The following NDUFA9 variants were observed in gnomAD, a reference collection of about 807,000 sequenced individuals.
NDUFA9 encodes NADH:ubiquinone oxidoreductase subunit A9, also known as NADH dehydrogenase [ubiquinone] 1 alpha subcomplex subunit 9, mitochondrial.
NDUFA9 carries 23 observed loss-of-function variants against 45.9 expected under a neutral mutation model. The ratio of observed to expected loss-of-function variants is 0.50; its 90% CI spans 0.36 to 0.71. The LOEUF (loss-of-function observed/expected upper bound fraction) is 0.71. NDUFA9 is among the 30% of genes least tolerant of loss of function. The pLI is 0.00. For synonymous variants in NDUFA9, 176 were observed against 170.5 expected (o/e 1.03, Z -0.25); for missense variants, 466 against 488.2 (o/e 0.95, Z 0.43).
At chr12:4,667,464 T>C (rs1303598042) in intron 6 of NDUFA9, 1 of 171,332 alleles carries the variant, frequency 5.8e-6, no homozygotes, top group Admixed American at 6.5e-5. Context: ...ATAAAGTTTA[T>C]TTTTAAGTAT....
chr12:4,686,962 C>T lies in NDUFA9; in HGVS notation c.988C>T (p.Pro330Ser). 6.2e-7 allele frequency: 1 copy of T among 1,614,066 alleles called. No homozygotes were observed. The highest frequency in any genetic ancestry group is 1.1e-5 in the South Asian group (1 of 91,028). Reference sequence around the variant, plus strand: ...GATGCACATCACAGACATGAAATTGCCTCACCTGCCTGGCTTAGAAGACCT... The same window carrying T: ...GATGCACATCACAGACATGAAATTGTCTCACCTGCCTGGCTTAGAAGACCT... ...ERMHITDMKL[P>S]HLPGLEDLGI... is the part of the protein sequence containing the mutation. The change falls in exon 11 of 11, where the codon CCT becomes TCT. Residue 330 changes from proline to serine, a missense_variant. Physicochemically the swap from Pro to Ser is moderately conservative, Grantham distance 74. Transcript: ENST00000266544.
At position 4,689,706 on chromosome 12, in the gene NDUFA9, A is replaced by G. The variant is rs1946008496; in HGVS notation, c.*2598A>G. Reference sequence around the variant, plus strand: ...GTCTCCCATGTCTACTTCTTTCTACACAGACACAGCAACAATGTGATTTCT... The same window carrying G: ...GTCTCCCATGTCTACTTCTTTCTACGCAGACACAGCAACAATGTGATTTCT... On this transcript the variant is annotated 3_prime_UTR_variant, in exon 11 of 11. Transcript: ENST00000266544. The G allele has an allele frequency of 5.6e-6, 1 of 179,204 alleles. No homozygotes were observed. The highest frequency in any genetic ancestry group is 1.1e-5 in the Non-Finnish European group (1 of 88,122). 11.1% of individuals were successfully genotyped at this position (179,204 alleles called of 1,614,324 possible).
chr12:4,685,467 G>T, intron 10 of NDUFA9, 142 bp downstream of exon 10: 1 of 715,390 alleles, frequency 1.4e-6, no homozygotes, highest in Non-Finnish European at 2.3e-6. Flanking sequence ...TAGCGCTGAA[G>T]CTCATCCACC....
At chr12:4,667,518 T>G (rs776037717) in intron 6 of NDUFA9, 2 of 242,506 alleles carry the variant, frequency 8.2e-6, no homozygotes, top group South Asian at 3.6e-5. Flanking sequence ...TACTCTTTTT[T>G]TTTTTTTTTT....
At chr12:4,652,313 A>G (rs919438777) in intron 1 of NDUFA9, among the ~76,000 whole-genome samples, 2 of 152,112 alleles carry the variant, frequency 1.3e-5, no homozygotes, top group Admixed American at 1.3e-4. Context: ...ATAAATGTTA[A>G]CTCATATTTA....
intron 3 of NDUFA9, 170 bp from the exon 4 acceptor site, chr12:4,657,578 G>A: frequency 1.7e-6 from 1 of 587,770 alleles, no homozygotes; most frequent in South Asian, 2.0e-5. Context: ...GAATCAGCAG[G>A]GAGTCTGAGA....
At chr12:4,666,161 A>T (rs1945852116) in intron 6 of NDUFA9, among the ~76,000 whole-genome samples, 1 of 152,142 alleles carries the variant, frequency 6.6e-6, no homozygotes, top group Non-Finnish European at 1.5e-5. Context: ...GCATCTTTTC[A>T]TGTGCTTTTT....
At chr12:4,650,123 T>C (rs1192801196) in intron 1 of NDUFA9, among the ~76,000 whole-genome samples, 1 of 152,202 alleles carries the variant, frequency 6.6e-6, no homozygotes, top group African/African-American at 2.4e-5. Flanking sequence ...GAGGACTGAG[T>C]GTAGAGCTAT....
At chr12:4,669,590 A>G (rs754613663) in intron 7 of NDUFA9, 151 bp from the exon 8 acceptor site, 1 of 538,082 alleles carries the variant, frequency 1.9e-6, no homozygotes, top group Non-Finnish European at 3.3e-6. Flanking sequence ...TTTTAACTTC[A>G]CATTTTCTTT....
intron 8 of NDUFA9, among the ~76,000 whole-genome samples, chr12:4,673,867 C>T (rs894079624): frequency 8.5e-5 from 13 of 152,118 alleles, no homozygotes; most frequent in Admixed American, 6.5e-4. Context: ...ACATAATTGT[C>T]ACATTCACCA....
chr12:4,658,373 A>G (rs1945803572), intron 4 of NDUFA9, among the ~76,000 whole-genome samples: 1 of 152,210 alleles, frequency 6.6e-6, no homozygotes, highest in South Asian at 2.1e-4. Context: ...GTGTCTTCTC[A>G]TCAAATATTT....
chr12:4,660,803 G>A (rs566561971), intron 5 of NDUFA9, among the ~76,000 whole-genome samples: 8 of 152,292 alleles, frequency 5.3e-5, no homozygotes, highest in African/African-American at 1.9e-4. Context: ...CTACTGACAT[G>A]GAGGTCATTG....
chr12:4,674,926 C>T (rs1054778919), intron 8 of NDUFA9, among the ~76,000 whole-genome samples: 3 of 152,174 alleles, frequency 2.0e-5, no homozygotes, highest in African/African-American at 7.2e-5. Context: ...GAAAGTAAAA[C>T]AGTTCTCAGC....
chr12:4,669,687 C>A, intron 7 of NDUFA9, 54 bp from the exon 8 acceptor site: 2 of 1,144,406 alleles, frequency 1.7e-6, no homozygotes, highest in Non-Finnish European at 1.3e-6. Flanking sequence ...TCTCCATCTC[C>A]CATTCTGTCT....
At chr12:4,685,025 T>G in intron 9 of NDUFA9, 1 of 636,212 alleles carries the variant, frequency 1.6e-6, no homozygotes, top group Non-Finnish European at 2.8e-6. Context: ...CTGTTGTTTC[T>G]TTGGAGGAGA....
rs775043547 is a variant in NDUFA9 at position 4,690,810 on chromosome 12, G to A, written c.*3702G>A. On this transcript the variant is annotated 3_prime_UTR_variant, in exon 11 of 11. Coordinates refer to ENST00000266544, the MANE Select transcript of NDUFA9 (RefSeq NM_005002.5). ...GAAGATAAAGAAAGGTCTCTGGAAG[G>A]ATTAGCAAAAACTCCATAGAAAACG... 1 of 152,190 alleles carries A rather than the reference G, an allele frequency of 6.6e-6. No individual in the cohort carries two copies. Among genetic ancestry groups the A allele is most frequent in the Non-Finnish European group, 1.5e-5 (1 of 68,034 alleles). The allele number at this position is 152,190 out of a possible 1,614,324, so 9.4% of individuals were successfully genotyped here.
chr12:4,659,387 C>T (rs551180009), intron 5 of NDUFA9, among the ~76,000 whole-genome samples: 5 of 152,240 alleles, frequency 3.3e-5, no homozygotes, highest in African/African-American at 4.8e-5. Context: ...TATGGGGCTT[C>T]GGAGTTGGCT....
rs749568258 is a variant in NDUFA9, at chr12:4,657,794, A to G, written c.365A>G (p.His122Arg). 2.5e-5 allele frequency: 40 copies of G among 1,613,720 alleles called. No homozygotes were observed. The highest frequency in any genetic ancestry group is 3.4e-5 in the Non-Finnish European group (40 of 1,179,758). ...GATTCTATCCGACGAGTAGTACAAC[A>G]CAGCAATGTGGTCATCAATCTTATT... is the stretch of plus-strand genomic sequence containing the variant. ...DKDSIRRVVQHSNVVINLIGR... is the reference protein window; with the variant it reads ...DKDSIRRVVQRSNVVINLIGR... Residue 122 changes from histidine (H) to arginine (R), a missense_variant, in exon 4 of 11, where the codon CAC becomes CGC. Physicochemically the swap from His to Arg is conservative, Grantham distance 29. Transcript: ENST00000266544.
At position 4,690,552 on chromosome 12, in the gene NDUFA9, A is replaced by C. The variant is rs1946013681; in HGVS notation, c.*3444A>C. The C allele has an allele frequency of 6.6e-6, 1 of 152,150 alleles. No homozygotes were observed. The highest frequency in any genetic ancestry group is 1.5e-5 in the Non-Finnish European group (1 of 68,092). 9.4% of individuals were successfully genotyped at this position (152,150 alleles called of 1,614,324 possible). The stretch of plus-strand genomic sequence containing the variant: ...ACCCCGTCTCTACTAAAAAATACAA[A>C]AAATCAGCCAGGCATGGTGGGGCCC... On this transcript the variant is annotated 3_prime_UTR_variant, in exon 11 of 11. Transcript: ENST00000266544.
Sources: allele counts gnomAD v4.1 joint callset (sites outside exome capture counted in the v4.1 genomes callset), GRCh38; gene constraint gnomAD v4.1.1; transcripts MANE v1.5; gene names NCBI Gene and HGNC (gene_info 2026-07-23, HGNC 2026-07-21).